Variants in FAM149B1 observed in about 807,000 individuals in gnomAD.
FAM149B1 encodes the protein primary cilium assembly protein FAM149B1.
In FAM149B1, 56 loss-of-function variants were observed where a neutral mutation model predicts 75.3. The ratio of observed to expected loss-of-function variants is 0.74; its 90% CI spans 0.60 to 0.93. The LOEUF (loss-of-function observed/expected upper bound fraction) is 0.93, where lower values mean the gene tolerates loss of function less well. Ranked by LOEUF, FAM149B1 falls within the 40% of genes least tolerant of loss-of-function variation. FAM149B1 has a pLI of 0.00. For synonymous variants in FAM149B1, 259 were observed against 256.1 expected (o/e 1.01, Z -0.11); for missense variants, 639 against 708.4 (o/e 0.90, Z 1.11).
At chr10:73,206,691 C>T (rs963129189) in intron 5 of FAM149B1, among the ~76,000 whole-genome samples, 27 of 152,286 alleles carry the variant, frequency 1.8e-4, no homozygotes, top group African/African-American at 5.3e-4. Flanking sequence ...CTTGACTTGC[C>T]GCTTTAGAGA....
intron 12 of FAM149B1, among the ~76,000 whole-genome samples, chr10:73,236,720 C>CT (rs1333904893): frequency 1.4e-5 from 2 of 144,996 alleles, no homozygotes; most frequent in African/African-American, 5.1e-5. Context: ...CCTTTTTTTT[C>CT]TTTTCTTTTT....
intron 13 of FAM149B1, 68 bp downstream of exon 13, chr10:73,239,452 T>G: frequency 8.8e-7 from 1 of 1,130,396 alleles, no homozygotes; most frequent in Non-Finnish European, 1.3e-6. Flanking sequence ...TTTGTCTTTT[T>G]TCCTACACCT....
chr10:73,184,646 G>A (rs886893371), intron 3 of FAM149B1, among the ~76,000 whole-genome samples: 26 of 152,092 alleles, frequency 1.7e-4, no homozygotes, highest in African/African-American at 6.0e-4. Flanking sequence ...CAAATATTTG[G>A]CAATTAAACA....
intron 11 of FAM149B1, 50 bp downstream of exon 11, chr10:73,234,990 G>A (rs1042629481): frequency 1.0e-4 from 158 of 1,540,346 alleles, no homozygotes; most frequent in Non-Finnish European, 1.3e-4. Flanking sequence ...ACAACCTAAT[G>A]GGCAGTAATT....
chr10:73,200,580 A>G, intron 5 of FAM149B1: 1 of 736,540 alleles, frequency 1.4e-6, no homozygotes, highest in Non-Finnish European at 2.2e-6. Context: ...ATGTTCAGCC[A>G]AGGGTTTAAG....
chr10:73,193,589 A>G lies in FAM149B1; in HGVS notation c.538A>G (p.Thr180Ala), dbSNP rs2042728780. ...AACCTTGTCTCAAGAAAGAGATTCT[A>G]CTATGTGAGTATTCCATTATGTAAG... ...ETTLSQERDS[T>A]IFGIRGKKLH... The change falls in exon 5 of 14, where the codon ACT becomes GCT. Residue 180 changes from threonine (T) to alanine (A), a missense_variant. Transcript: ENST00000242505. 6.4e-7 allele frequency: 1 copy of G among 1,550,494 alleles called. No individual in the cohort carries two copies. Among genetic ancestry groups the G allele is most frequent in the South Asian group, 1.2e-5 (1 of 84,024 alleles).
Position 73,234,923 on chromosome 10 carries a change from G to T in FAM149B1, c.1459G>T (p.Gly487Trp). The change falls in exon 11 of 14, where the codon GGG (glycine) becomes TGG (tryptophan). Residue 487 changes from glycine (G) to tryptophan (W), a missense_variant. Gly to Trp is a radical substitution (Grantham distance 184). Coordinates refer to ENST00000242505, the MANE Select transcript of FAM149B1 (RefSeq NM_173348.2). ...TGAAGTGGAACATGTGAGCACTGTG[G>T]GGCCACAAAGACAGATGGTATGTTT... ...TAEVEHVSTV[G>W]PQRQMKPHGD... 6.4e-7 allele frequency: 1 copy of T among 1,551,964 alleles called. No individual in the cohort carries two copies.
At chr10:73,200,949 C>A in intron 5 of FAM149B1, 2 of 445,600 alleles carry the variant, frequency 4.5e-6, no homozygotes, top group Non-Finnish European at 8.9e-6. Context: ...GAGATACTAT[C>A]ATGAGGGAAT....
intron 12 of FAM149B1, 139 bp from the exon 13 acceptor site, chr10:73,239,173 A>C: frequency 1.6e-6 from 1 of 624,322 alleles, no homozygotes; most frequent in Non-Finnish European, 2.8e-6. Flanking sequence ...AACCCAGTGC[A>C]CTCAGCTGAC....
intron 3 of FAM149B1, among the ~76,000 whole-genome samples, chr10:73,179,110 G>A (rs538641971): frequency 1.4e-4 from 22 of 151,986 alleles, no homozygotes; most frequent in Admixed American, 7.2e-4. Flanking sequence ...GACTATAAGC[G>A]TGCACCACCA....
chr10:73,226,400 G>C (rs535327641), intron 7 of FAM149B1, among the ~76,000 whole-genome samples: 8 of 152,266 alleles, frequency 5.3e-5, no homozygotes, highest in Admixed American at 5.2e-4. Flanking sequence ...AGCTACTTGG[G>C]AGGCTGAGGC....
chr10:73,230,576 G>T, intron 9 of FAM149B1, 51 bp downstream of exon 9: 1 of 1,068,544 alleles, frequency 9.4e-7, no homozygotes, highest in South Asian at 1.3e-5. Flanking sequence ...GAAACAGAGG[G>T]AAAGCAAAAT....
intron 12 of FAM149B1, among the ~76,000 whole-genome samples, chr10:73,237,668 T>A (rs1307537566): frequency 6.6e-6 from 1 of 152,104 alleles, no homozygotes; most frequent in African/African-American, 2.4e-5. Flanking sequence ...GTGATCCACC[T>A]ACCTTGGCCT....
chr10:73,193,399 T>C, intron 4 of FAM149B1, 78 bp from the exon 5 acceptor site: 1 of 1,422,852 alleles, frequency 7.0e-7, no homozygotes, highest in Non-Finnish European at 9.5e-7. Context: ...AGCCATCAAA[T>C]GTGTCCAAAA....
chr10:73,201,233 T>C (rs1472910591), intron 5 of FAM149B1: 3 of 233,612 alleles, frequency 1.3e-5, no homozygotes, highest in Non-Finnish European at 1.9e-5. Flanking sequence ...ATTTAATTCC[T>C]GGGATGACAG....
chr10:73,244,206 G>A lies in FAM149B1; in HGVS notation c.*3187G>A, dbSNP rs747720977. On this transcript the variant is annotated 3_prime_UTR_variant, in exon 14 of 14. Coordinates refer to ENST00000242505, the MANE Select transcript of FAM149B1 (RefSeq NM_173348.2). ...TCATAAATCACATGATGATAAAAAG[G>A]AACATGAGGCCGGGTATGGTGGCTC... 1 of 391,762 alleles carries A rather than the reference G, an allele frequency of 2.6e-6. No homozygotes were observed. Among genetic ancestry groups the A allele is most frequent in the East Asian group, 5.5e-5 (1 of 18,156 alleles). The allele number at this position is 391,762 out of a possible 1,614,324, so 24.3% of individuals were successfully genotyped here.
chr10:73,243,771 C>T lies in FAM149B1; in HGVS notation c.*2752C>T, dbSNP rs146570416. 1.0e-4 allele frequency: 144 copies of T among 1,402,384 alleles called. 2 individuals are homozygous for T. The African/African-American group carries it at 1.9e-3, about 19-fold the overall frequency. The allele number at this position is 1,402,384 out of a possible 1,614,324, so 86.9% of individuals were successfully genotyped here. ...TGTCTTAAAAGAAGAAAACAAAATA[C>T]AACATTCCAAAGAAAATATTAGCAG... is the stretch of plus-strand genomic sequence containing the variant. On this transcript the variant is annotated 3_prime_UTR_variant, in exon 14 of 14. Coordinates refer to ENST00000242505, the MANE Select transcript of FAM149B1 (RefSeq NM_173348.2).
chr10:73,239,274 G>T lies in FAM149B1; in HGVS notation c.1603-38G>T, dbSNP rs183051005. 1.0e-4 allele frequency: 149 copies of T among 1,493,112 alleles called. 1 individual carries two copies. In the African/African-American group the frequency reaches 1.9e-3, roughly 19 times the overall value. 92.5% of individuals were successfully genotyped at this position (1,493,112 alleles called of 1,614,324 possible). A position where few individuals can be genotyped will look rare whatever the true frequency, so the allele number is the denominator to read the frequency against. ...GCTAAAATATTATCCTTTGTGAGAA[G>T]ATGCATCATAAGAAGTGTCTCCTCT... On this transcript the variant is annotated intron_variant, in intron 12 of 13. Transcript: ENST00000242505.
intron 12 of FAM149B1, among the ~76,000 whole-genome samples, chr10:73,237,934 T>C (rs919048226): frequency 1.3e-5 from 2 of 152,112 alleles, no homozygotes; most frequent in African/African-American, 2.4e-5. Flanking sequence ...ACTGAACAGA[T>C]GAAAATGTTT....
Sources: gnomAD v4.1 joint callset for allele counts (sites outside exome capture counted in the v4.1 genomes callset) on GRCh38, gnomAD v4.1.1 for gene constraint, MANE v1.5 for transcripts, NCBI Gene and HGNC (gene_info 2026-07-23, HGNC 2026-07-21) for gene names.